The following TCF4 variants were observed in gnomAD, a reference collection of about 807,000 sequenced individuals.
TCF4 encodes SL3-3 enhancer factor 2.
Under a neutral mutation model 82.1 loss-of-function variants are expected in TCF4, and 3 were observed. The ratio of observed to expected loss-of-function variants is 0.04; its 90% CI spans 0.02 to 0.09. The LOEUF is 0.09. Ranked by LOEUF, TCF4 falls within the 10% of genes least tolerant of loss-of-function variation. The pLI is 1.00. For synonymous variants in TCF4, 276 were observed against 309.6 expected, an observed-to-expected ratio of 0.89 and a Z score of 1.14; for missense variants, 518 against 852.7, an observed-to-expected ratio of 0.61 and a Z score of 4.89.
At chr18:55,411,701 A>T (rs1400035175) in intron 5 of TCF4, among the ~76,000 whole-genome samples, 1 of 152,082 alleles carries the variant, frequency 6.6e-6, no homozygotes, top group African/African-American at 2.4e-5. Context: ...TCTCCATGGT[A>T]CGTGAATTCG....
intron 3 of TCF4, among the ~76,000 whole-genome samples, chr18:55,552,736 C>T (rs1045397891): frequency 1.3e-5 from 2 of 152,194 alleles, no homozygotes; most frequent in Non-Finnish European, 2.9e-5. Context: ...GCTGCAGAAC[C>T]CCCGGACTGA....
intron 5 of TCF4, among the ~76,000 whole-genome samples, chr18:55,460,287 C>A (rs2095848111): frequency 6.6e-6 from 1 of 151,724 alleles, no homozygotes; most frequent in African/African-American, 2.4e-5. Context: ...ACTAAAGTAG[C>A]CAGCTATTGG....
At chr18:55,547,569 G>C (rs1409454708) in intron 3 of TCF4, among the ~76,000 whole-genome samples, 1 of 152,114 alleles carries the variant, frequency 6.6e-6, no homozygotes, top group Non-Finnish European at 1.5e-5. Context: ...TACTTGAAAG[G>C]CTATTATAAT....
At chr18:55,428,895 A>T (rs970358794) in intron 5 of TCF4, among the ~76,000 whole-genome samples, 2 of 152,154 alleles carry the variant, frequency 1.3e-5, no homozygotes, top group South Asian at 4.1e-4. Context: ...TGGTGAACTG[A>T]TGAGAGGTCT....
intron 5 of TCF4, among the ~76,000 whole-genome samples, chr18:55,411,842 G>A (rs1383694729): frequency 2.6e-5 from 4 of 152,124 alleles, no homozygotes; most frequent in African/African-American, 7.2e-5. Context: ...TTGGATTCAA[G>A]CAATTCTCCT....
intron 3 of TCF4, among the ~76,000 whole-genome samples, chr18:55,564,405 A>T (rs1462050788): frequency 1.3e-5 from 2 of 152,252 alleles, no homozygotes; most frequent in Non-Finnish European, 2.9e-5. Context: ...TATGGATTCA[A>T]CAGGGAAGAA....
intron 8 of TCF4, among the ~76,000 whole-genome samples, chr18:55,341,695 GTC>G (rs2079998637): frequency 6.6e-6 from 1 of 152,100 alleles, no homozygotes. Context: ...AAAGCAGTGA[GTC>G]TGGTTTCTAT....
chr18:55,522,137 G>C (rs2096938313), intron 3 of TCF4, among the ~76,000 whole-genome samples: 1 of 152,190 alleles, frequency 6.6e-6, no homozygotes, highest in Non-Finnish European at 1.5e-5. Flanking sequence ...TTACCAGAGT[G>C]ATGATAACAA....
chr18:55,594,276 C>A (rs910198650), intron 2 of TCF4, among the ~76,000 whole-genome samples: 4 of 152,162 alleles, frequency 2.6e-5, no homozygotes, highest in African/African-American at 7.2e-5. Flanking sequence ...AGTACTCAAT[C>A]GTATTATTCT....
chr18:55,425,838 C>G (rs1335478141), intron 5 of TCF4, among the ~76,000 whole-genome samples: 1 of 152,044 alleles, frequency 6.6e-6, no homozygotes, highest in East Asian at 1.9e-4. Context: ...AATCTTAAAC[C>G]TGAGGGATAA....
chr18:55,306,680 GT>G (rs1291604962), intron 8 of TCF4, among the ~76,000 whole-genome samples: 1 of 152,124 alleles, frequency 6.6e-6, no homozygotes, highest in East Asian at 1.9e-4. Flanking sequence ...GTTTTCAAGG[GT>G]ATTTGTTACT....
chr18:55,304,075 T>C (rs1208117747), intron 8 of TCF4, among the ~76,000 whole-genome samples: 1 of 152,004 alleles, frequency 6.6e-6, no homozygotes, highest in Non-Finnish European at 1.5e-5. Flanking sequence ...GATATTAGCA[T>C]AAAGGAAATA....
intron 6 of TCF4, among the ~76,000 whole-genome samples, chr18:55,378,161 A>G (rs184058526): frequency 1.1e-4 from 16 of 152,326 alleles, no homozygotes; most frequent in Non-Finnish European, 2.9e-5. Context: ...GTTGGACCAA[A>G]ATGAAAAGTT....
chr18:55,594,476 TTAAA>T (rs1430794147), intron 2 of TCF4, among the ~76,000 whole-genome samples: 1 of 152,194 alleles, frequency 6.6e-6, no homozygotes, highest in African/African-American at 2.4e-5. Context: ...TAACTATATG[TTAAA>T]TAAATGAATG....
At position 55,586,153 on chromosome 18, in the gene TCF4, GAGCAGCAGCAGCAGCAGC is replaced by G. The variant is rs55725917; in HGVS notation, c.73-819_73-802del. The G allele has an allele frequency of 4.9e-3, 3,434 of 707,856 alleles. 113 individuals carry two copies. Among genetic ancestry groups the G allele is most frequent in the African/African-American group, 0.024 (1,354 of 55,598 alleles). The allele number at this position is 707,856 out of a possible 1,614,324, so 43.8% of individuals were successfully genotyped here. On this transcript the variant is annotated intron_variant, in intron 2 of 19. Coordinates refer to ENST00000354452, the MANE Select transcript of TCF4 (RefSeq NM_001083962.2). The stretch of plus-strand genomic sequence containing the variant: ...GGAGGAGAAGGAGGAGGAGGAGGAG[GAGCAGCAGCAGCAGCAGC>G]AGCAGCAGCAGCAGCAGCAGCAGCA...
chr18:55,234,863 A>G (rs1024710029), intron 15 of TCF4, among the ~76,000 whole-genome samples, 180 bp from the exon 16 acceptor site: 2 of 152,058 alleles, frequency 1.3e-5, no homozygotes, highest in African/African-American at 4.8e-5. Flanking sequence ...AACACTTAAC[A>G]CTCAGTAAGA....
At chr18:55,481,957 G>A (rs1180151761) in intron 3 of TCF4, among the ~76,000 whole-genome samples, 2 of 152,156 alleles carry the variant, frequency 1.3e-5, no homozygotes, top group Non-Finnish European at 2.9e-5. Context: ...AGAAAGAGCT[G>A]GGAGATTCCT....
chr18:55,607,869 C>CA (rs552690032), intron 2 of TCF4, among the ~76,000 whole-genome samples: 26 of 152,304 alleles, frequency 1.7e-4, no homozygotes, highest in Middle Eastern at 3.4e-3. Context: ...ATGCCACACT[C>CA]AAAGGTGTGG....
At chr18:55,388,718 A>G (rs2092810801) in intron 6 of TCF4, among the ~76,000 whole-genome samples, 1 of 152,212 alleles carries the variant, frequency 6.6e-6, no homozygotes, top group African/African-American at 2.4e-5. Context: ...GACAAAGAAA[A>G]TGCCAAATCT....
Sources: allele counts gnomAD v4.1 joint callset (sites outside exome capture counted in the v4.1 genomes callset), GRCh38; gene constraint gnomAD v4.1.1; transcripts MANE v1.5; gene names NCBI Gene and HGNC (gene_info 2026-07-23, HGNC 2026-07-21).